Variants in HLCS observed in about 807,000 individuals in gnomAD.
HLCS encodes biotin--protein ligase.
A neutral mutation model predicts 75.0 loss-of-function variants in HLCS; 53 were observed. The ratio of observed to expected loss-of-function variants is 0.71; its 90% CI spans 0.57 to 0.89. The LOEUF is 0.89. Ranked by LOEUF, HLCS falls within the 40% of genes least tolerant of loss-of-function variation. HLCS has a pLI of 0.00. For missense variants in HLCS, 966 were observed against 1,074.0 expected (o/e 0.90, Z 1.41); for synonymous variants, 431 against 428.6 (o/e 1.01, Z -0.07).
At position 36,855,624 on chromosome 21, in the gene HLCS, A is replaced by G. The variant is rs186965797; in HGVS notation, c.1892+41236T>C. 7.3e-5 allele frequency among the ~76,000 whole-genome samples: 11 copies of G among 151,140 alleles called. No homozygotes were observed. In the South Asian group the frequency reaches 2.3e-3, roughly 32 times the overall value. ...TAGACAGGATCTCGCTCTATTGTCC[A>G]GGCTGGAAATGGCACAATCATGGCT... On this transcript the variant is annotated intron_variant, in intron 6 of 10. Transcript: ENST00000674895.
At chr21:36,871,398 C>G (rs770661250) in intron 6 of HLCS, among the ~76,000 whole-genome samples, 1 of 151,770 alleles carries the variant, frequency 6.6e-6, no homozygotes, top group Non-Finnish European at 1.5e-5. Flanking sequence ...CTATTTTGTT[C>G]AAGGAAGGAG....
chr21:36,765,234 G>T, intron 7 of HLCS, 62 bp from the exon 8 acceptor site: 1 of 1,472,952 alleles, frequency 6.8e-7, no homozygotes, highest in Non-Finnish European at 9.5e-7. Context: ...GCAGACACAC[G>T]TCATGCCAGG....
intron 1 of HLCS, among the ~76,000 whole-genome samples, chr21:36,980,026 CAAAAAAAAAAAAAAA>C (rs71198844): frequency 5.4e-5 from 3 of 55,124 alleles, no homozygotes; most frequent in African/African-American, 1.6e-4. Flanking sequence ...GTCCCCATCT[CAAAAAAAAAAAAAAA>C]AAAAAAAAAA....
At chr21:36,860,756 G>A (rs1365422597) in intron 6 of HLCS, among the ~76,000 whole-genome samples, 1 of 152,222 alleles carries the variant, frequency 6.6e-6, no homozygotes, top group Non-Finnish European at 1.5e-5. Flanking sequence ...GATAGATGCT[G>A]TGTATGAATG....
At chr21:36,759,190 C>A (rs560942070) in intron 9 of HLCS, 1 of 470,918 alleles carries the variant, frequency 2.1e-6, no homozygotes, top group Admixed American at 2.4e-5. Flanking sequence ...GATGACTGGA[C>A]GGCCAGGAAC....
At chr21:36,830,293 T>C (rs1232221817) in intron 6 of HLCS, among the ~76,000 whole-genome samples, 1 of 152,230 alleles carries the variant, frequency 6.6e-6, no homozygotes. Flanking sequence ...CCCCAGGCTG[T>C]GGTACTTTGT....
chr21:36,772,334 G>A (rs1476631890), intron 6 of HLCS, among the ~76,000 whole-genome samples: 4 of 152,038 alleles, frequency 2.6e-5, no homozygotes, highest in Non-Finnish European at 4.4e-5. Flanking sequence ...TATACGATAT[G>A]TATTTATAGA....
At chr21:36,788,170 C>A (rs947909778) in intron 6 of HLCS, among the ~76,000 whole-genome samples, 1 of 152,248 alleles carries the variant, frequency 6.6e-6, no homozygotes, top group Non-Finnish European at 1.5e-5. Flanking sequence ...GTCCTCTCCA[C>A]ACTCATGCCA....
At chr21:36,901,228 G>A (rs1373266151) in intron 5 of HLCS, among the ~76,000 whole-genome samples, 1 of 151,944 alleles carries the variant, frequency 6.6e-6, no homozygotes, top group Admixed American at 6.6e-5. Flanking sequence ...GAGCAACAGA[G>A]AAAGACTCGG....
rs372435641 is a variant in HLCS, at chr21:36,936,471, C to T, written c.1415G>A (p.Gly472Glu). Residue 472 changes from glycine to glutamate, a missense_variant, in exon 4 of 11, where the codon GGG becomes GAG. Gly to Glu is a moderately conservative substitution (Grantham distance 98, BLOSUM62 -2). Transcript: ENST00000674895. ...MIVHVPFGTRGGEAVLCQVHL... is the reference protein window; with the variant it reads ...MIVHVPFGTREGEAVLCQVHL... The stretch of plus-strand genomic sequence containing the variant: ...TACCTGGCAAAGAACAGCTTCTCCC[C>T]CGCGAGTTCCAAAAGGCACATGCAC... The T allele has an allele frequency of 3.1e-6, 5 of 1,614,034 alleles. No homozygotes were observed. In the African/African-American group the frequency reaches 6.7e-5, roughly 22 times the overall value.
chr21:36,772,008 A>C (rs1011315943), intron 6 of HLCS, among the ~76,000 whole-genome samples: 28 of 151,980 alleles, frequency 1.8e-4, no homozygotes, highest in Non-Finnish European at 3.7e-4. Flanking sequence ...AAAAAAAAAA[A>C]CAAAAATTAT....
At chr21:36,763,627 G>T (rs891283018) in intron 8 of HLCS, among the ~76,000 whole-genome samples, 1 of 152,162 alleles carries the variant, frequency 6.6e-6, no homozygotes, top group South Asian at 2.1e-4. Flanking sequence ...TGAGAGTCAC[G>T]CTCTTAACAT....
intron 1 of HLCS, among the ~76,000 whole-genome samples, chr21:36,965,895 C>A (rs1428618979): frequency 6.6e-6 from 1 of 150,982 alleles, no homozygotes; most frequent in African/African-American, 2.4e-5. Flanking sequence ...GGACTACAGG[C>A]GCGTGCCACC....
At chr21:36,798,291 T>C (rs922448170) in intron 6 of HLCS, among the ~76,000 whole-genome samples, 2 of 152,200 alleles carry the variant, frequency 1.3e-5, no homozygotes, top group East Asian at 3.8e-4. Context: ...GAATTTTCAC[T>C]TAGCATAATA....
At chr21:36,859,460 C>T (rs567850246) in intron 6 of HLCS, among the ~76,000 whole-genome samples, 34 of 152,170 alleles carry the variant, frequency 2.2e-4, no homozygotes, top group Non-Finnish European at 4.4e-4. Context: ...CTCAGCTCTC[C>T]CCACTCTGCA....
intron 6 of HLCS, among the ~76,000 whole-genome samples, chr21:36,890,790 T>C (rs2064750534): frequency 2.0e-5 from 3 of 152,198 alleles, no homozygotes; most frequent in Admixed American, 6.5e-5. Flanking sequence ...TCTAATTACC[T>C]TGAGTAAGCA....
intron 6 of HLCS, among the ~76,000 whole-genome samples, chr21:36,791,442 T>C (rs1336553866): frequency 1.3e-5 from 2 of 152,196 alleles, no homozygotes; most frequent in East Asian, 1.9e-4. Context: ...GTTTGTTTTT[T>C]AAAGGCAATA....
chr21:36,975,041 T>A (rs2068899709), intron 1 of HLCS: 1 of 152,170 alleles, frequency 6.6e-6, no homozygotes, highest in African/African-American at 2.4e-5. Flanking sequence ...TCAGTCCTCA[T>A]GGCCAGCTCT....
At chr21:36,911,971 G>A (rs1282886603) in intron 5 of HLCS, among the ~76,000 whole-genome samples, 3 of 150,800 alleles carry the variant, frequency 2.0e-5, no homozygotes, top group Non-Finnish European at 4.4e-5. Context: ...CTTGGGAGGC[G>A]GAGACAGAAG....
Sources: gnomAD v4.1 joint callset for allele counts (sites outside exome capture counted in the v4.1 genomes callset) on GRCh38, gnomAD v4.1.1 for gene constraint, MANE v1.5 for transcripts, NCBI Gene and HGNC (gene_info 2026-07-23, HGNC 2026-07-21) for gene names.